NDFIP1: variants seen among roughly 807,000 people sequenced by gnomAD.
NDFIP1 encodes the protein NEDD4 family-interacting protein 1.
A neutral mutation model predicts 28.8 loss-of-function variants in NDFIP1; 7 were observed. The observed-to-expected ratio is 0.24, with a 90% CI of 0.14 to 0.46. NDFIP1 has a LOEUF of 0.46. Among genes scored for constraint, NDFIP1 ranks in the 20% least tolerant of loss-of-function variants. The pLI is 0.99. For synonymous variants in NDFIP1, 92 were observed against 101.0 expected (o/e 0.91, Z 0.53); for missense variants, 194 against 269.1 (o/e 0.72, Z 1.95).
At chr5:142,133,688 C>A (rs1174965783) in intron 3 of NDFIP1, among the ~76,000 whole-genome samples, 1 of 152,184 alleles carries the variant, frequency 6.6e-6, no homozygotes, top group Non-Finnish European at 1.5e-5. Context: ...TATTTAGGAA[C>A]TTCTTAAAGG....
chr5:142,142,587 C>G (rs946575648), intron 6 of NDFIP1, among the ~76,000 whole-genome samples: 2 of 151,936 alleles, frequency 1.3e-5, no homozygotes, highest in African/African-American at 4.8e-5. Flanking sequence ...TTTTATAATC[C>G]TTCATCATTG....
intron 1 of NDFIP1, among the ~76,000 whole-genome samples, chr5:142,110,637 A>G (rs1194407787): frequency 6.6e-6 from 1 of 152,144 alleles, no homozygotes; most frequent in Non-Finnish European, 1.5e-5. Context: ...TTCCTAGAAA[A>G]ATTGTAAAAG....
chr5:142,139,434 T>C (rs1757306238), intron 5 of NDFIP1, among the ~76,000 whole-genome samples: 2 of 152,184 alleles, frequency 1.3e-5, no homozygotes, highest in African/African-American at 4.8e-5. Flanking sequence ...TATCAGCATA[T>C]TGGCACAGGT....
At chr5:142,120,211 C>T (rs999085491) in intron 1 of NDFIP1, among the ~76,000 whole-genome samples, 9 of 152,326 alleles carry the variant, frequency 5.9e-5, no homozygotes, top group African/African-American at 2.2e-4. Flanking sequence ...CCACCTCAGC[C>T]TCCCAAAGTG....
intron 7 of NDFIP1, among the ~76,000 whole-genome samples, chr5:142,145,198 T>A (rs1320964788): frequency 6.6e-6 from 1 of 152,204 alleles, no homozygotes; most frequent in Non-Finnish European, 1.5e-5. Context: ...TTCTTCAGGT[T>A]GACATTCTGA....
chr5:142,128,120 G>C (rs1306874248), intron 1 of NDFIP1, among the ~76,000 whole-genome samples: 3 of 152,184 alleles, frequency 2.0e-5, no homozygotes, highest in Admixed American at 2.0e-4. Context: ...GAAGTTCCCA[G>C]ATCTGTCCCA....
rs13356594 is a variant in NDFIP1, at chr5:142,132,002, A to C, written c.151+107A>C. The C allele has an allele frequency of 2.1e-3, 2,531 of 1,202,886 alleles. 36 individuals are homozygous for C. The African/African-American group carries it at 0.034, about 16-fold the overall frequency. 74.5% of individuals were successfully genotyped at this position (1,202,886 alleles called of 1,614,324 possible). A position where few individuals can be genotyped will look rare whatever the true frequency, so the allele number is the denominator to read the frequency against. On this transcript the variant is annotated intron_variant, in intron 2 of 7. Transcript: ENST00000253814. ...CAGAAGCAGTTGGAAGAAAGGTTAC[A>C]AAGCAAGTCTGGATTTTAAATAATT... is the stretch of plus-strand genomic sequence containing the variant.
intron 6 of NDFIP1, among the ~76,000 whole-genome samples, chr5:142,141,801 A>T (rs1757334446): frequency 6.6e-6 from 1 of 152,038 alleles, no homozygotes; most frequent in African/African-American, 2.4e-5. Context: ...TCTGGCTAGG[A>T]CATCCTGGCA....
chr5:142,117,297 G>A (rs1757078746), intron 1 of NDFIP1, among the ~76,000 whole-genome samples: 1 of 149,506 alleles, frequency 6.7e-6, no homozygotes, highest in Non-Finnish European at 1.5e-5. Context: ...AGGCTGGAGT[G>A]CAGTGGCGAA....
intron 1 of NDFIP1, among the ~76,000 whole-genome samples, chr5:142,127,332 T>C (rs747703536): frequency 3.9e-5 from 6 of 152,164 alleles, no homozygotes; most frequent in Non-Finnish European, 7.3e-5. Flanking sequence ...CACCTATTTG[T>C]AAATAAATGT....
chr5:142,127,424 C>G (rs1030066477), intron 1 of NDFIP1, among the ~76,000 whole-genome samples: 2 of 152,114 alleles, frequency 1.3e-5, no homozygotes, highest in African/African-American at 2.4e-5. Flanking sequence ...TTTTAGGGTT[C>G]TTCTGGGGAG....
intron 6 of NDFIP1, among the ~76,000 whole-genome samples, chr5:142,142,442 C>G (rs761493177): frequency 6.6e-6 from 1 of 152,114 alleles, no homozygotes; most frequent in East Asian, 1.9e-4. Context: ...GCTGACCACC[C>G]GTGTTTCCCC....
At chr5:142,142,283 A>G (rs1757340007) in intron 6 of NDFIP1, among the ~76,000 whole-genome samples, 1 of 152,176 alleles carries the variant, frequency 6.6e-6, no homozygotes, top group Non-Finnish European at 1.5e-5. Context: ...ATGATTGGTC[A>G]TTAGAATTCT....
chr5:142,152,145 G>A lies in NDFIP1; in HGVS notation c.*417G>A, dbSNP rs1596798300. ...TGTATAATGCTGGCCATTTTAAAGG[G>A]GTTTTCTCAAAAGTTAAACTTTTGC... On this transcript the variant is annotated 3_prime_UTR_variant, in exon 8 of 8. Coordinates refer to ENST00000253814, the MANE Select transcript of NDFIP1 (RefSeq NM_030571.4). 1.3e-5 allele frequency: 2 copies of A among 152,620 alleles called. No individual in the cohort carries two copies. Among genetic ancestry groups the A allele is most frequent in the Non-Finnish European group, 2.9e-5 (2 of 68,014 alleles). 9.5% of individuals were successfully genotyped at this position (152,620 alleles called of 1,614,324 possible).
intron 6 of NDFIP1, chr5:142,142,940 A>AAAATATATATATATAT (rs60076432): frequency 5.2e-5 from 2 of 38,156 alleles, no homozygotes; most frequent in African/African-American, 1.3e-4. Flanking sequence ...AAAAAAAAAA[A>AAAATATATATATATAT]ATATATATAT....
intron 1 of NDFIP1, among the ~76,000 whole-genome samples, chr5:142,130,142 T>G (rs1166000805): frequency 6.6e-6 from 1 of 152,118 alleles, no homozygotes; most frequent in African/African-American, 2.4e-5. Context: ...CACTAAATAT[T>G]CTGTTATTAA....
Position 142,108,907 on chromosome 5 carries a change from A to C in NDFIP1, c.-68A>C. 3.8e-6 allele frequency: 5 copies of C among 1,325,968 alleles called. No homozygotes were observed. In the South Asian group the frequency reaches 7.2e-5, roughly 19 times the overall value. 82.1% of individuals were successfully genotyped at this position (1,325,968 alleles called of 1,614,324 possible). On this transcript the variant is annotated 5_prime_UTR_variant, in exon 1 of 8. Coordinates refer to ENST00000253814, the MANE Select transcript of NDFIP1 (RefSeq NM_030571.4). ...CCCCCTCGGCCTCCCAGCGCTCCCA[A>C]GCCGCAGCGGCCGCGCCCCTTCAGC...
chr5:142,111,485 G>A (rs755769882), intron 1 of NDFIP1, among the ~76,000 whole-genome samples: 10 of 151,964 alleles, frequency 6.6e-5, no homozygotes, highest in Non-Finnish European at 1.3e-4. Context: ...CCATGGAAAT[G>A]CCTGGTCAGC....
At chr5:142,137,055 A>G in intron 4 of NDFIP1, among the ~76,000 whole-genome samples, 1 of 132,458 alleles carries the variant, frequency 7.5e-6, no homozygotes. Flanking sequence ...TGGGTGACAG[A>G]GTGAGACTCA....
Sources: gnomAD v4.1 joint callset for allele counts (sites outside exome capture counted in the v4.1 genomes callset) on GRCh38, gnomAD v4.1.1 for gene constraint, MANE v1.5 for transcripts, NCBI Gene and HGNC (gene_info 2026-07-23, HGNC 2026-07-21) for gene names.